Variants in POLA1 observed in about 807,000 individuals in gnomAD.
POLA1 encodes DNA polymerase alpha catalytic subunit.
A neutral mutation model predicts 124.0 loss-of-function variants in POLA1; 15 were observed. The ratio of observed to expected loss-of-function variants is 0.12; its 90% CI spans 0.08 to 0.19. The LOEUF (loss-of-function observed/expected upper bound fraction) is 0.19. Ranked by LOEUF, POLA1 falls within the 10% of genes least tolerant of loss-of-function variation. POLA1 has a pLI of 1.00. For synonymous variants in POLA1, 408 were observed against 389.4 expected (o/e 1.05, Z -0.56); for missense variants, 886 against 1,103.4 (o/e 0.80, Z 2.79).
intron 35 of POLA1, among the ~76,000 whole-genome samples, chrX:24,894,921 G>T (rs915478161): frequency 9.1e-6 from 1 of 109,748 alleles, no homozygotes; most frequent in Non-Finnish European, 1.9e-5. Flanking sequence ...TTACAGGCAT[G>T]TGCCACCATA....
intron 34 of POLA1, among the ~76,000 whole-genome samples, chrX:24,861,983 T>TAAA (rs2046722429): frequency 1.8e-5 from 2 of 112,030 alleles, no homozygotes; most frequent in Admixed American, 1.9e-4. Context: ...CACTTTTTTT[T>TAAA]AAGTCAGGAA....
chrX:24,860,268 C>T (rs1047004593), intron 34 of POLA1, among the ~76,000 whole-genome samples: 2 of 112,804 alleles, frequency 1.8e-5, no homozygotes, highest in Non-Finnish European at 3.7e-5. Context: ...TTTACATGCT[C>T]TTTTCCTAGC....
intron 4 of POLA1, 86 bp from the exon 5 acceptor site, chrX:24,714,468 C>T (rs961438132): frequency 1.8e-6 from 1 of 545,151 alleles, no homozygotes; most frequent in Non-Finnish European, 3.1e-6. Flanking sequence ...CATTTTTCTT[C>T]CCAATAGAGA....
rs779174062 is a variant in POLA1 at position 24,737,318 on chromosome X, C to T, written c.1924-307C>T. Among the ~76,000 whole-genome samples, 3 of 111,507 alleles carry T rather than the reference C, an allele frequency of 2.7e-5. No individual in the cohort carries two copies. The Admixed American group carries it at 2.8e-4, about 11-fold the overall frequency. On this transcript the variant is annotated intron_variant, in intron 18 of 36. Transcript: ENST00000379068. ...TGAAAAGTATGGGACATTAAATTTG[C>T]ATTTTCCTCCGAGACCGTAAGGCAT...
chrX:24,913,477 C>T (rs1052896237), intron 35 of POLA1, among the ~76,000 whole-genome samples: 9 of 109,643 alleles, frequency 8.2e-5, no homozygotes, highest in Non-Finnish European at 1.1e-4. Context: ...TTTGGGAGGC[C>T]GAGGCGGGCA....
intron 33 of POLA1, among the ~76,000 whole-genome samples, chrX:24,842,312 T>C (rs950460004): frequency 1.8e-5 from 2 of 111,798 alleles, no homozygotes; most frequent in East Asian, 5.6e-4. Flanking sequence ...TGTCTTTGCA[T>C]ATTAGACATT....
intron 33 of POLA1, 51 bp from the exon 34 acceptor site, chrX:24,843,495 C>G (rs780398042): frequency 2.0e-6 from 2 of 998,955 alleles, no homozygotes; most frequent in Admixed American, 6.3e-5. Context: ...GCACAAAAAC[C>G]CTTTTATAGC....
At chrX:24,745,337 T>C (rs865945002) in intron 23 of POLA1, 81 bp from the exon 24 acceptor site, 1 of 684,408 alleles carries the variant, frequency 1.5e-6, no homozygotes, top group Non-Finnish European at 2.2e-6. Flanking sequence ...GTTTCTAATA[T>C]ACTTACAGTG....
chrX:24,892,570 C>T (rs2047154896), intron 35 of POLA1, among the ~76,000 whole-genome samples: 1 of 111,888 alleles, frequency 8.9e-6, no homozygotes, highest in African/African-American at 3.3e-5. Context: ...TGGAATCCCT[C>T]CACAGAGGAT....
At chrX:24,822,885 A>G (rs2046113509) in intron 31 of POLA1, among the ~76,000 whole-genome samples, 1 of 111,835 alleles carries the variant, frequency 8.9e-6, no homozygotes, top group Non-Finnish European at 1.9e-5. Flanking sequence ...TACAACTTTG[A>G]AAAATTATAT....
rs770427926 is a variant in POLA1, at chrX:24,810,761, T to C, written c.3051T>C (p.Asn1017=). 10 of 1,112,545 alleles carry C rather than the reference T, an allele frequency of 9.0e-6. No individual in the cohort carries two copies. The highest frequency in any genetic ancestry group is 6.2e-6 in the Non-Finnish European group (5 of 811,653). The allele number at this position is 1,112,545 out of a possible 1,213,427, so 91.7% of individuals were successfully genotyped here. A position where few individuals can be genotyped will look rare whatever the true frequency, so the allele number is the denominator to read the frequency against. The change falls in exon 28 of 37, where the codon AAT becomes AAC. Residue 1017 remains asparagine, a synonymous_variant. Transcript: ENST00000379068. ...CAGATTCAATTATGATAAACACCAA[T>C]AGCACCAATCTGGAAGAAGTATTTA... ...GDTDSIMINT[N]STNLEEVFKL...
chrX:24,696,090 TA>T (rs1369022356), intron 1 of POLA1, among the ~76,000 whole-genome samples: 1 of 112,863 alleles, frequency 8.9e-6, no homozygotes, highest in Non-Finnish European at 1.9e-5. Flanking sequence ...CCTATATTGC[TA>T]AGTGCAAAGT....
At chrX:24,952,145 G>C (rs1157581210) in intron 36 of POLA1, among the ~76,000 whole-genome samples, 2 of 111,670 alleles carry the variant, frequency 1.8e-5, no homozygotes, top group African/African-American at 3.3e-5. Flanking sequence ...CTTCACATGG[G>C]GTCCACCCTG....
chrX:24,723,838 A>C (rs915421421), intron 11 of POLA1, among the ~76,000 whole-genome samples: 1 of 111,341 alleles, frequency 9.0e-6, no homozygotes, highest in African/African-American at 3.3e-5. Flanking sequence ...CTGCCACCAC[A>C]CTGAGCTAAT....
chrX:24,991,851 A>G, intron 36 of POLA1, among the ~76,000 whole-genome samples: 1 of 112,868 alleles, frequency 8.9e-6, no homozygotes, highest in Non-Finnish European at 1.9e-5. Context: ...TCAAGCCTTC[A>G]GAAATATTTT....
chrX:24,778,307 T>C (rs1313159183), intron 26 of POLA1, among the ~76,000 whole-genome samples: 1 of 111,482 alleles, frequency 9.0e-6, no homozygotes, highest in African/African-American at 3.3e-5. Context: ...CTCGGCTCAC[T>C]GCACCCTCCA....
chrX:24,748,154 T>A (rs1010523731), intron 24 of POLA1, among the ~76,000 whole-genome samples, 157 bp from the exon 25 acceptor site: 4 of 112,695 alleles, frequency 3.5e-5, no homozygotes, highest in Non-Finnish European at 7.5e-5. Flanking sequence ...TCTACAACCC[T>A]CTCAGCTCTT....
At chrX:24,740,821 G>A (rs999326652) in intron 20 of POLA1, among the ~76,000 whole-genome samples, 12 of 111,590 alleles carry the variant, frequency 1.1e-4, no homozygotes, top group South Asian at 7.5e-4. Flanking sequence ...ATCTTCCACT[G>A]TTTCCTAACA....
intron 34 of POLA1, among the ~76,000 whole-genome samples, chrX:24,849,669 C>T (rs867783799): frequency 5.0e-5 from 5 of 100,832 alleles, no homozygotes; most frequent in African/African-American, 1.8e-4. Flanking sequence ...TCTTGCTCTT[C>T]GCCCAGGCTG....
Sources: allele counts gnomAD v4.1 joint callset (sites outside exome capture counted in the v4.1 genomes callset), GRCh38; gene constraint gnomAD v4.1.1; transcripts MANE v1.5; gene names NCBI Gene and HGNC (gene_info 2026-07-23, HGNC 2026-07-21).